The following FLOT2 variants were observed in gnomAD, a reference collection of about 807,000 sequenced individuals.
FLOT2 encodes flotillin 2.
FLOT2 carries 35 observed loss-of-function variants against 54.9 expected under a neutral mutation model. That is an observed-to-expected ratio of 0.64 (90% CI 0.49 to 0.84). FLOT2 has a LOEUF of 0.84. Among genes scored for constraint, FLOT2 ranks in the 40% least tolerant of loss-of-function variants. The probability of loss-of-function intolerance (pLI) is 0.00; values close to 1 mark genes in which losing one functional copy is unlikely to be tolerated. For missense variants in FLOT2, 464 were observed against 572.1 expected (o/e 0.81, Z 1.93); for synonymous variants, 207 against 228.9 (o/e 0.90, Z 0.86).
intron 1 of FLOT2, chr17:28,892,658 CTTTTT>C (rs143035852): frequency 6.8e-6 from 1 of 147,458 alleles, no homozygotes; most frequent in African/African-American, 2.5e-5. Context: ...CACTCTTTAT[CTTTTT>C]TTTTTGAGAC....
At chr17:28,896,060 C>A (rs2039736224) in intron 1 of FLOT2, among the ~76,000 whole-genome samples, 1 of 152,154 alleles carries the variant, frequency 6.6e-6, no homozygotes, top group Non-Finnish European at 1.5e-5. Context: ...CTGTCACCCC[C>A]GCCAACCTTC....
In FLOT2 at chr17:28,882,443, T is replaced by A. The variant is rs1296679373; in HGVS notation, c.473A>T (p.Tyr158Phe). Residue 158 changes from tyrosine to phenylalanine, a missense_variant, in exon 6 of 11, where the codon TAT becomes TTT. Tyr to Phe is a conservative substitution (Grantham distance 22). Coordinates refer to ENST00000394908, the MANE Select transcript of FLOT2 (RefSeq NM_004475.3). This position sits in a 1 kb window ranked among gnomAD's most constrained non-coding sequence, Gnocchi z 5.6. ...GGAGCTCAGATAGTCCACTTTGTCA[T>A]ACACGTCCTGGGGAGGGAAGGGGGT... ...EILSFTIKDVYDKVDYLSSLG... is the reference protein window; with the variant it reads ...EILSFTIKDVFDKVDYLSSLG... 1.2e-6 allele frequency: 2 copies of A among 1,613,912 alleles called. No homozygotes were observed. Among genetic ancestry groups the A allele is most frequent in the East Asian group, 2.2e-5 (1 of 44,880 alleles).
Position 28,879,900 on chromosome 17 carries a change from C to CAGG in FLOT2, c.*658_*660dup. 2.0e-6 allele frequency: 2 copies of CAGG among 986,134 alleles called. No individual in the cohort carries two copies. The highest frequency in any genetic ancestry group is 1.2e-6 in the Non-Finnish European group (1 of 830,178). 61.1% of individuals were successfully genotyped at this position (986,134 alleles called of 1,614,324 possible). On this transcript the variant is annotated 3_prime_UTR_variant, in exon 11 of 11. Coordinates refer to ENST00000394908, the MANE Select transcript of FLOT2 (RefSeq NM_004475.3). ...AGGAAACTGAGGAAGCTGCTGTAGA[C>CAGG]AGGAGGCCTTGCCTCTGTGCCCTTG...
Position 28,897,030 on chromosome 17 carries a change from C to G in FLOT2, c.49+496G>C, listed in dbSNP as rs1231040406. ...GGCGGGCAGTGCCGGTAATCCCCAA[C>G]AAGCCCCAGCCTGCTTGGAATTAAC... On this transcript the variant is annotated intron_variant, in intron 1 of 10. Transcript: ENST00000394908. This position sits in a 1 kb window ranked among gnomAD's most constrained non-coding sequence, Gnocchi z 4.4. 1.3e-5 allele frequency among the ~76,000 whole-genome samples: 2 copies of G among 152,250 alleles called. No homozygotes were observed. The highest frequency in any genetic ancestry group is 2.4e-5 in the African/African-American group (1 of 41,472).
Position 28,886,063 on chromosome 17 carries a change from G to C in FLOT2, c.132-1748C>G, listed in dbSNP as rs924879540. 6.2e-5 allele frequency: 38 copies of C among 610,468 alleles called. 1 individual carries two copies. The highest frequency in any genetic ancestry group is 4.5e-4 in the Admixed American group (21 of 46,496). 37.8% of individuals were successfully genotyped at this position (610,468 alleles called of 1,614,324 possible). ...CGATGCCTGACGCCTGGGGGCGGGG[G>C]GGGGCATGCTGTCAGTAATCCAACC... On this transcript the variant is annotated intron_variant, in intron 2 of 10. Transcript: ENST00000394908.
chr17:28,888,805 A>ACCCCCCCC, intron 2 of FLOT2, 140 bp downstream of exon 2: 2 of 393,058 alleles, frequency 5.1e-6, no homozygotes, highest in Non-Finnish European at 1.0e-5. Context: ...GTCCCCCCCA[A>ACCCCCCCC]CCCCACCCCT....
Position 28,884,669 on chromosome 17 carries a change from T to G in FLOT2, c.132-354A>C, listed in dbSNP as rs2039511753. 6.6e-6 allele frequency among the ~76,000 whole-genome samples: 1 copy of G among 152,210 alleles called. No individual in the cohort carries two copies. Among genetic ancestry groups the G allele is most frequent in the East Asian group, 1.9e-4 (1 of 5,196 alleles). On this transcript the variant is annotated intron_variant, in intron 2 of 10. Coordinates refer to ENST00000394908, the MANE Select transcript of FLOT2 (RefSeq NM_004475.3). This position sits in a 1 kb window ranked among gnomAD's most constrained non-coding sequence, Gnocchi z 5.1. ...ATGTTCTAGGATAGCAAGTCAGTGC[T>G]GGTCCTCCCGGCCCTGCTGTGCAGG...
intron 1 of FLOT2, among the ~76,000 whole-genome samples, chr17:28,889,754 C>T (rs1016843322): frequency 1.3e-5 from 2 of 152,140 alleles, no homozygotes; most frequent in Admixed American, 6.5e-5. Context: ...ATTCTCCTGC[C>T]TCAGCCTCCC....
At position 28,882,282 on chromosome 17, in the gene FLOT2, C is replaced by G. The variant is rs373765414; in HGVS notation, c.580-45G>C. 1 of 1,613,906 alleles carries G rather than the reference C, an allele frequency of 6.2e-7. No homozygotes were observed. Among genetic ancestry groups the G allele is most frequent in the African/African-American group, 1.3e-5 (1 of 74,914 alleles). Reference sequence around the variant, plus strand: ...AAGGGGAAGGTGAGTGAGTAGAGGTCCTGAGTCATCATGGTCCCATCACCC... The same window carrying G: ...AAGGGGAAGGTGAGTGAGTAGAGGTGCTGAGTCATCATGGTCCCATCACCC... On this transcript the variant is annotated intron_variant, in intron 6 of 10. Coordinates refer to ENST00000394908, the MANE Select transcript of FLOT2 (RefSeq NM_004475.3). The surrounding 1 kb of genome is among the most constrained non-coding windows in gnomAD (Gnocchi z 5.6).
chr17:28,886,133 TC>T (rs2152647936), intron 2 of FLOT2: 1 of 633,652 alleles, frequency 1.6e-6, no homozygotes, highest in East Asian at 2.7e-5. Flanking sequence ...AGCAGCGACC[TC>T]CTGTGCTGAT....
chr17:28,880,842 G>C lies in FLOT2; in HGVS notation c.1119C>G (p.Ala373=). 6.2e-7 allele frequency: 1 copy of C among 1,614,110 alleles called. No homozygotes were observed. Among genetic ancestry groups the C allele is most frequent in the Non-Finnish European group, 8.5e-7 (1 of 1,180,034 alleles). ...CAATCTCATCGACCTTGGTAAGTGGGGCAGCGATTTTGGCAGCAATCTAGG... is the reference window on the plus strand; with the variant it reads ...CAATCTCATCGACCTTGGTAAGTGGCGCAGCGATTTTGGCAGCAATCTAGG... The part of the protein sequence containing the change: ...ALPQIAAKIA[A]PLTKVDEIVV... Residue 373 remains alanine (A), a synonymous_variant, in exon 10 of 11, where the codon GCC becomes GCG. Transcript: ENST00000394908.
At position 28,880,044 on chromosome 17, in the gene FLOT2, G is replaced by A; in HGVS notation, c.*517C>T. ...GCCCAGACCTAGAGGGGCAGCAGCAGGTGAGGCTGTGGGCTTCCTGGGGCA... is the reference window on the plus strand; with the variant it reads ...GCCCAGACCTAGAGGGGCAGCAGCAAGTGAGGCTGTGGGCTTCCTGGGGCA... On this transcript the variant is annotated 3_prime_UTR_variant, in exon 11 of 11. Coordinates refer to ENST00000394908, the MANE Select transcript of FLOT2 (RefSeq NM_004475.3). The A allele has an allele frequency of 1.0e-6, 1 of 992,004 alleles. No homozygotes were observed. Among genetic ancestry groups the A allele is most frequent in the Non-Finnish European group, 1.2e-6 (1 of 834,306 alleles). 61.5% of individuals were successfully genotyped at this position (992,004 alleles called of 1,614,324 possible).
rs753839776 is a variant in FLOT2, at chr17:28,884,295, G to C, written c.152C>G (p.Thr51Arg). Reference protein sequence around the residue: ...DTQRISLEIMTLQPRCEDVET... With the variant: ...DTQRISLEIMRLQPRCEDVET... ...TACGTCCTCGCAGCGGGGCTGCAACGTCATAATCTCTAGGGAAATCCTGCC... is the reference window on the plus strand; with the variant it reads ...TACGTCCTCGCAGCGGGGCTGCAACCTCATAATCTCTAGGGAAATCCTGCC... Residue 51 changes from threonine to arginine, a missense_variant, in exon 3 of 11, where the codon ACG becomes AGG. Thr to Arg is a moderately conservative substitution (Grantham distance 71, BLOSUM62 -1). Transcript: ENST00000394908. This position sits in a 1 kb window ranked among gnomAD's most constrained non-coding sequence, Gnocchi z 5.1. 6.2e-7 allele frequency: 1 copy of C among 1,611,582 alleles called. No individual in the cohort carries two copies. Among genetic ancestry groups the C allele is most frequent in the Non-Finnish European group, 8.5e-7 (1 of 1,178,584 alleles).
intron 1 of FLOT2, among the ~76,000 whole-genome samples, chr17:28,894,563 G>A (rs1453224425): frequency 2.0e-5 from 3 of 150,654 alleles, no homozygotes; most frequent in African/African-American, 2.4e-5. Context: ...GGTGGAGGCT[G>A]CAGTGAGCTG....
At position 28,888,944 on chromosome 17, in the gene FLOT2, CCT is replaced by C. The variant is rs1383510576; in HGVS notation, c.130_131del (p.Arg44AspfsTer45). Reference protein sequence around the residue: ...WAWWCISDTQRISLEIMTLQP... With the variant: ...WAWWCISDTQXISLEIMTLQP... ...AGGTCCTAGAGCCCCCAGGTGCTTA[CCT>C]CTGAGTGTCGGAGATACACCACCAG... On this transcript the variant is annotated frameshift_variant and splice_region_variant, in exon 2 of 11. Transcript: ENST00000394908. LOFTEE classifies it high-confidence loss of function. The C allele has an allele frequency of 6.2e-7, 1 of 1,613,784 alleles. No individual in the cohort carries two copies. The highest frequency in any genetic ancestry group is 1.1e-5 in the South Asian group (1 of 91,038).
At chr17:28,896,711 A>G (rs2039746986) in intron 1 of FLOT2, among the ~76,000 whole-genome samples, 2 of 152,176 alleles carry the variant, frequency 1.3e-5, no homozygotes, top group Non-Finnish European at 2.9e-5. Flanking sequence ...GATAGTGGGA[A>G]GATAGAGAAG....
intron 1 of FLOT2, chr17:28,892,528 G>A (rs1477652372): frequency 6.6e-6 from 1 of 151,444 alleles, no homozygotes; most frequent in Non-Finnish European, 1.5e-5. Flanking sequence ...TTTTAATAGA[G>A]CCGGGTTTCA....
chr17:28,881,508 G>A, intron 8 of FLOT2, 133 bp from the exon 9 acceptor site: 2 of 969,082 alleles, frequency 2.1e-6, no homozygotes, highest in Non-Finnish European at 3.1e-6. Context: ...ACGGAGTGGG[G>A]TGGCCTGACC....
chr17:28,882,349 G>A lies in FLOT2; in HGVS notation c.567C>T (p.Asp189=), dbSNP rs537594430. The A allele has an allele frequency of 8.6e-5, 139 of 1,613,884 alleles. 1 individual carries two copies. The highest frequency in any genetic ancestry group is 1.2e-4 in the African/African-American group (9 of 75,000). Reference sequence around the variant, plus strand: ...TGAACCCACATACCCGGATGCCTGCGTCCCGTTCAGCCTCGGCCACGCCAA... The same window carrying A: ...TGAACCCACATACCCGGATGCCTGCATCCCGTTCAGCCTCGGCCACGCCAA... ...ADIGVAEAER[D]AGIREAECKK... Residue 189 remains aspartate (D), a synonymous_variant, in exon 6 of 11, where the codon GAC becomes GAT. Transcript: ENST00000394908. This position sits in a 1 kb window ranked among gnomAD's most constrained non-coding sequence, Gnocchi z 5.6.
Sources: gnomAD v4.1 joint callset for allele counts (sites outside exome capture counted in the v4.1 genomes callset) on GRCh38, gnomAD v4.1.1 for gene constraint, Gnocchi (gnomAD v3.1) non-coding constraint, MANE v1.5 for transcripts, NCBI Gene and HGNC (gene_info 2026-07-23, HGNC 2026-07-21) for gene names.